The following SNX25 variants were observed in gnomAD, a reference collection of about 807,000 sequenced individuals.
SNX25 encodes sorting nexin 25.
Under a neutral mutation model 113.7 loss-of-function variants are expected in SNX25, and 62 were observed. That is an observed-to-expected ratio of 0.55 (90% CI 0.44 to 0.67). The LOEUF (loss-of-function observed/expected upper bound fraction) is 0.67. Among genes scored for constraint, SNX25 ranks in the 30% least tolerant of loss-of-function variants. The probability of loss-of-function intolerance (pLI) is 0.00; values close to 1 mark genes in which losing one functional copy is unlikely to be tolerated. For synonymous variants in SNX25, 421 were observed against 436.2 expected, an observed-to-expected ratio of 0.97 and a Z score of 0.43; for missense variants, 1,014 against 1,161.0, an observed-to-expected ratio of 0.87 and a Z score of 1.84.
At position 185,322,132 on chromosome 4, in the gene SNX25, A is replaced by G. The variant is rs138358857; in HGVS notation, c.1476+1268A>G. Among the ~76,000 whole-genome samples, 597 of 152,318 alleles carry G rather than the reference A, an allele frequency of 3.9e-3. 1 individual carries two copies. Among genetic ancestry groups the G allele is most frequent in the African/African-American group, 0.013 (530 of 41,558 alleles). On this transcript the variant is annotated intron_variant, in intron 8 of 18. Coordinates refer to ENST00000652585, the MANE Select transcript of SNX25 (RefSeq NM_001378034.2). ...CAGTATATACTATTGTAAGAGGTTT[A>G]TTAAAATAAGTACCAAGAGGCTGGA...
downstream of SNX25, chr4:185,373,149 G>C: frequency 7.3e-7 from 1 of 1,374,430 alleles, no homozygotes; most frequent in Non-Finnish European, 1.0e-6. Flanking sequence ...ATACTAGACA[G>C]AAAAGAACTC....
chr4:185,329,266 G>A (rs2095177645), intron 9 of SNX25, among the ~76,000 whole-genome samples: 1 of 152,126 alleles, frequency 6.6e-6, no homozygotes, highest in African/African-American at 2.4e-5. Flanking sequence ...AAAACCAAAC[G>A]CTTTGGCTTT....
At chr4:185,266,830 T>C in intron 4 of SNX25, 139 bp from the exon 5 acceptor site, 2 of 721,538 alleles carry the variant, frequency 2.8e-6, no homozygotes, top group Non-Finnish European at 4.3e-6. Flanking sequence ...TTTTGAATTG[T>C]TTATTGTATT....
At chr4:185,376,986 A>G in the SNX25 span, 6 of 1,613,954 alleles carry the variant, frequency 3.7e-6, no homozygotes, top group African/African-American at 1.3e-5. Context: ...AAGAGCTGCA[A>G]TGCCTTATCC....
intron 6 of SNX25, among the ~76,000 whole-genome samples, chr4:185,292,650 G>T (rs1752342529): frequency 6.6e-6 from 1 of 152,144 alleles, no homozygotes; most frequent in Non-Finnish European, 1.5e-5. Context: ...TGATCTGCCT[G>T]CCTCAGCCTC....
At chr4:185,261,400 C>T (rs953374306) in intron 3 of SNX25, among the ~76,000 whole-genome samples, 1 of 152,112 alleles carries the variant, frequency 6.6e-6, no homozygotes, top group African/African-American at 2.4e-5. Context: ...TGGTCTCGAA[C>T]TCCTGACCTC....
At chr4:185,263,949 A>G (rs770543004) in intron 3 of SNX25, among the ~76,000 whole-genome samples, 15 of 152,180 alleles carry the variant, frequency 9.9e-5, no homozygotes, top group Non-Finnish European at 1.8e-4. Context: ...ACAGAAGGCA[A>G]TTTGCCATCA....
intron 1 of SNX25, among the ~76,000 whole-genome samples, chr4:185,241,071 G>A (rs1206864356): frequency 1.8e-4 from 27 of 151,536 alleles, no homozygotes; most frequent in East Asian, 4.0e-4. Flanking sequence ...CTTCCCAGAC[G>A]GGGTGGCGGC....
intron 5 of SNX25, among the ~76,000 whole-genome samples, chr4:185,269,328 A>G (rs940329015): frequency 1.3e-5 from 2 of 152,146 alleles, no homozygotes; most frequent in African/African-American, 2.4e-5. Context: ...ATACTCATCT[A>G]CCTGGTGTTT....
Position 185,363,698 on chromosome 4 carries a change from T to A in SNX25, c.*233T>A. 2.7e-6 allele frequency: 1 copy of A among 375,100 alleles called. No individual in the cohort carries two copies. Among genetic ancestry groups the A allele is most frequent in the Non-Finnish European group, 4.8e-6 (1 of 206,842 alleles). The allele number at this position is 375,100 out of a possible 1,614,324, so 23.2% of individuals were successfully genotyped here. Reference sequence around the variant, plus strand: ...AATATGAATACTTTAAAGATCAACATACCGATTGAAATACAAATGTTAATA... The same window carrying A: ...AATATGAATACTTTAAAGATCAACAAACCGATTGAAATACAAATGTTAATA... On this transcript the variant is annotated 3_prime_UTR_variant, in exon 19 of 19. Coordinates refer to ENST00000652585, the MANE Select transcript of SNX25 (RefSeq NM_001378034.2). This position sits in a 1 kb window ranked among gnomAD's most constrained non-coding sequence, Gnocchi z 4.2.
intron 9 of SNX25, among the ~76,000 whole-genome samples, chr4:185,324,554 G>A (rs1263942020): frequency 2.6e-5 from 4 of 152,012 alleles, no homozygotes; most frequent in African/African-American, 9.6e-5. Context: ...AGGTTATCTT[G>A]GGGCTCACAT....
chr4:185,216,801 G>T (rs1370446707), intron 1 of SNX25, among the ~76,000 whole-genome samples: 1 of 152,032 alleles, frequency 6.6e-6, no homozygotes, highest in Non-Finnish European at 1.5e-5. Context: ...GATTACAGCT[G>T]TGAGCCACCT....
intron 1 of SNX25, among the ~76,000 whole-genome samples, chr4:185,215,792 C>CTT (rs80171477): frequency 1.7e-4 from 24 of 140,532 alleles, no homozygotes; most frequent in African/African-American, 4.9e-4. Context: ...ACTTTAAATT[C>CTT]TTTTTTTTTT....
chr4:185,293,153 T>G (rs1341467897), intron 6 of SNX25, among the ~76,000 whole-genome samples: 1 of 152,164 alleles, frequency 6.6e-6, no homozygotes, highest in Non-Finnish European at 1.5e-5. Context: ...AGATAAGAAC[T>G]GTTGGTGAGG....
At chr4:185,327,055 A>T (rs2095161850) in intron 9 of SNX25, among the ~76,000 whole-genome samples, 1 of 152,222 alleles carries the variant, frequency 6.6e-6, no homozygotes, top group South Asian at 2.1e-4. Context: ...TTAACCTTTT[A>T]ATCTAGGTAA....
At chr4:185,375,651 C>T in the SNX25 span, 1 of 1,612,150 alleles carries the variant, frequency 6.2e-7, no homozygotes, top group Non-Finnish European at 8.5e-7. Flanking sequence ...TAGTACATCA[C>T]TCCTAGCTGG....
At chr4:185,345,250 AC>A (rs1461985556) in intron 12 of SNX25, among the ~76,000 whole-genome samples, 2 of 151,850 alleles carry the variant, frequency 1.3e-5, no homozygotes, top group Admixed American at 6.6e-5. Context: ...TGTTGTGAGA[AC>A]CCTTCCTGTC....
downstream of SNX25, among the ~76,000 whole-genome samples, chr4:185,368,960 A>G (rs189213242): frequency 6.6e-6 from 1 of 151,556 alleles, no homozygotes; most frequent in Non-Finnish European, 1.5e-5. Flanking sequence ...TGATGGGCTA[A>G]TTTTTGTATT....
chr4:185,339,710 T>A (rs888428726), intron 11 of SNX25, among the ~76,000 whole-genome samples, 200 bp downstream of exon 11: 1 of 152,176 alleles, frequency 6.6e-6, no homozygotes, highest in Non-Finnish European at 1.5e-5. Context: ...TTGGTATAGA[T>A]CTGATCTCAC....
Sources: gnomAD v4.1 joint callset for allele counts (sites outside exome capture counted in the v4.1 genomes callset) on GRCh38, gnomAD v4.1.1 for gene constraint, Gnocchi (gnomAD v3.1) non-coding constraint, MANE v1.5 for transcripts, NCBI Gene and HGNC (gene_info 2026-07-23, HGNC 2026-07-21) for gene names.